The following TSNAX variants were observed in gnomAD, a reference collection of about 807,000 sequenced individuals.
The protein encoded by TSNAX is translin-associated protein X.
TSNAX carries 12 observed loss-of-function variants against 33.0 expected under a neutral mutation model. The observed-to-expected ratio is 0.36, with a 90% CI of 0.23 to 0.59. The LOEUF (loss-of-function observed/expected upper bound fraction) is 0.59. TSNAX is among the 20% of genes least tolerant of loss of function. The probability of loss-of-function intolerance (pLI) is 0.74; values close to 1 mark genes in which losing one functional copy is unlikely to be tolerated. For missense variants in TSNAX, 267 were observed against 341.3 expected (o/e 0.78, Z 1.72); for synonymous variants, 110 against 117.2 (o/e 0.94, Z 0.40).
At chr1:231,563,650 A>T (rs1661250449) in intron 5 of TSNAX, 1 of 107,476 alleles carries the variant, frequency 9.3e-6, no homozygotes, top group African/African-American at 3.2e-5. Context: ...GTGTGGATAT[A>T]AATTTTTTTT....
chr1:231,548,237 A>G (rs1176781710), intron 4 of TSNAX, among the ~76,000 whole-genome samples: 2 of 152,196 alleles, frequency 1.3e-5, no homozygotes, highest in African/African-American at 4.8e-5. Context: ...AACAGATACA[A>G]AGGGCCCTTA....
chr1:231,543,633 C>T (rs1168281782), intron 4 of TSNAX, among the ~76,000 whole-genome samples: 1 of 152,032 alleles, frequency 6.6e-6, no homozygotes, highest in Non-Finnish European at 1.5e-5. Flanking sequence ...CCAGTTTTAG[C>T]CTAAACGTTT....
chr1:231,563,312 T>A (rs1401559364), intron 5 of TSNAX, among the ~76,000 whole-genome samples: 2 of 152,222 alleles, frequency 1.3e-5, no homozygotes, highest in Non-Finnish European at 2.9e-5. Context: ...GGGAAATTGA[T>A]GTGGAGAGAG....
chr1:231,552,269 A>G (rs776439711), intron 4 of TSNAX, among the ~76,000 whole-genome samples: 3 of 152,142 alleles, frequency 2.0e-5, no homozygotes, highest in Non-Finnish European at 4.4e-5. Context: ...ATCCTGGGCA[A>G]CAGAGCCAGG....
intron 2 of TSNAX, among the ~76,000 whole-genome samples, chr1:231,529,716 CAG>C (rs1658530583): frequency 2.0e-5 from 3 of 152,204 alleles, no homozygotes; most frequent in Admixed American, 2.0e-4. Context: ...GACTTGAAGA[CAG>C]GGACGGTATC....
intron 2 of TSNAX, among the ~76,000 whole-genome samples, chr1:231,530,413 G>A (rs1658606470): frequency 6.6e-6 from 1 of 152,004 alleles, no homozygotes; most frequent in Non-Finnish European, 1.5e-5. Context: ...GTGGAGTTGC[G>A]GCTGGGTGTG....
At chr1:231,540,173 C>CAA (rs10714707) in intron 3 of TSNAX, among the ~76,000 whole-genome samples, 1,663 of 69,260 alleles carry the variant, frequency 0.024, 62 homozygotes, top group African/African-American at 0.039. Flanking sequence ...GACTCTGTCT[C>CAA]AAAAAAAAAA....
intron 4 of TSNAX, among the ~76,000 whole-genome samples, chr1:231,545,598 C>G (rs934338943): frequency 6.6e-6 from 1 of 151,420 alleles, no homozygotes; most frequent in Non-Finnish European, 1.5e-5. Flanking sequence ...GGGGAAATGT[C>G]CTCCATTTCA....
chr1:231,547,868 T>C (rs1660042047), intron 4 of TSNAX, among the ~76,000 whole-genome samples: 1 of 133,078 alleles, frequency 7.5e-6, no homozygotes, highest in African/African-American at 3.0e-5. Context: ...TTTGAGACAG[T>C]CTCACTTTGT....
intron 4 of TSNAX, among the ~76,000 whole-genome samples, chr1:231,547,603 C>T (rs1194310301): frequency 6.6e-6 from 1 of 151,646 alleles, no homozygotes; most frequent in Non-Finnish European, 1.5e-5. Flanking sequence ...GTTGACCAGG[C>T]TGGTCTCAAA....
At chr1:231,529,540 G>A (rs1049579701) in intron 2 of TSNAX, among the ~76,000 whole-genome samples, 181 bp downstream of exon 2, 4 of 152,174 alleles carry the variant, frequency 2.6e-5, no homozygotes, top group Admixed American at 2.6e-4. Flanking sequence ...GTCCCATTAA[G>A]AGAAATATTA....
intron 4 of TSNAX, among the ~76,000 whole-genome samples, chr1:231,558,525 T>A (rs181682222): frequency 7.9e-5 from 12 of 152,148 alleles, no homozygotes; most frequent in South Asian, 2.1e-4. Context: ...CTTTAAAAAA[T>A]TTTTTTTGCT....
chr1:231,550,778 A>G (rs1182421502), intron 4 of TSNAX, among the ~76,000 whole-genome samples: 1 of 152,196 alleles, frequency 6.6e-6, no homozygotes, highest in African/African-American at 2.4e-5. Context: ...GGGAATTGGA[A>G]GCTGACAATG....
intron 4 of TSNAX, among the ~76,000 whole-genome samples, chr1:231,550,581 AAG>A (rs1431516622): frequency 6.6e-6 from 1 of 152,190 alleles, no homozygotes; most frequent in African/African-American, 2.4e-5. Flanking sequence ...ACATAAGGGA[AAG>A]AGTCTGGGGG....
intron 4 of TSNAX, among the ~76,000 whole-genome samples, chr1:231,547,000 C>T (rs1328924630): frequency 6.6e-6 from 1 of 152,162 alleles, no homozygotes; most frequent in African/African-American, 2.4e-5. Flanking sequence ...ATGGGAAATA[C>T]GGTCTCTGTG....
chr1:231,528,865 G>A, intron 1 of TSNAX, 39 bp downstream of exon 1: 2 of 1,613,590 alleles, frequency 1.2e-6, no homozygotes, highest in Non-Finnish European at 1.7e-6. Flanking sequence ...TTTATCCGGA[G>A]GGGGAGGTTC....
chr1:231,565,129 T>C lies in TSNAX; in HGVS notation c.*224T>C. ...CATACAGATGTTTGCATATATGCCT[T>C]TTTGAATTTTTGCTGGTTAACCTTT... On this transcript the variant is annotated 3_prime_UTR_variant, in exon 6 of 6. Transcript: ENST00000366639. 1 of 479,872 alleles carries C rather than the reference T, an allele frequency of 2.1e-6. No individual in the cohort carries two copies. Among genetic ancestry groups the C allele is most frequent in the Non-Finnish European group, 3.6e-6 (1 of 280,856 alleles). 29.7% of individuals were successfully genotyped at this position (479,872 alleles called of 1,614,324 possible). A position where few individuals can be genotyped will look rare whatever the true frequency, so the allele number is the denominator to read the frequency against.
At chr1:231,534,980 A>G (rs1279181184) in intron 2 of TSNAX, 2 of 152,206 alleles carry the variant, frequency 1.3e-5, no homozygotes, top group African/African-American at 4.8e-5. Flanking sequence ...CCTTGAGCAG[A>G]ATGATATCTG....
chr1:231,541,679 T>C (rs950252656), intron 3 of TSNAX, among the ~76,000 whole-genome samples: 1 of 152,254 alleles, frequency 6.6e-6, no homozygotes, highest in Non-Finnish European at 1.5e-5. Flanking sequence ...CATTTTCCTT[T>C]TGCCTAAAGA....
Sources: gnomAD v4.1 joint callset for allele counts (sites outside exome capture counted in the v4.1 genomes callset) on GRCh38, gnomAD v4.1.1 for gene constraint, MANE v1.5 for transcripts, NCBI Gene and HGNC (gene_info 2026-07-23, HGNC 2026-07-21) for gene names.